The following MAP3K20 variants were observed in gnomAD, a reference collection of about 807,000 sequenced individuals.
MAP3K20 encodes the protein mitogen-activated protein kinase kinase kinase 20.
MAP3K20 carries 40 observed loss-of-function variants against 85.7 expected under a neutral mutation model. That is an observed-to-expected ratio of 0.47 (90% CI 0.36 to 0.61). The LOEUF (loss-of-function observed/expected upper bound fraction) is 0.61, where lower values mean the gene tolerates loss of function less well. MAP3K20 is among the 20% of genes least tolerant of loss of function. MAP3K20 has a pLI of 0.00. For missense variants in MAP3K20, 817 were observed against 961.7 expected, an observed-to-expected ratio of 0.85 and a Z score of 1.99; for synonymous variants, 325 against 327.7, an observed-to-expected ratio of 0.99 and a Z score of 0.09.
intron 2 of MAP3K20, among the ~76,000 whole-genome samples, chr2:173,124,094 G>A (rs549152973): frequency 6.6e-6 from 1 of 152,240 alleles, no homozygotes; most frequent in Admixed American, 6.5e-5. Flanking sequence ...TTATGCCATG[G>A]ATTACCAGCA....
At chr2:173,219,392 T>C (rs998016541) in intron 11 of MAP3K20, among the ~76,000 whole-genome samples, 1 of 152,228 alleles carries the variant, frequency 6.6e-6, no homozygotes, top group African/African-American at 2.4e-5. Flanking sequence ...TGGATGTTTA[T>C]TTTCTAATTA....
At chr2:173,100,541 C>G (rs759682649) in intron 2 of MAP3K20, among the ~76,000 whole-genome samples, 25 of 152,120 alleles carry the variant, frequency 1.6e-4, no homozygotes, top group Non-Finnish European at 3.4e-4. Context: ...ATTGACATAC[C>G]TACATTTTCT....
At chr2:173,240,958 G>C (rs1247307121) in intron 16 of MAP3K20, among the ~76,000 whole-genome samples, 5 of 152,150 alleles carry the variant, frequency 3.3e-5, no homozygotes, top group Non-Finnish European at 5.9e-5. Context: ...CTTGTCATTT[G>C]CAACAATATG....
chr2:173,143,277 T>C (rs1203160894), intron 2 of MAP3K20, among the ~76,000 whole-genome samples: 1 of 152,150 alleles, frequency 6.6e-6, no homozygotes, highest in African/African-American at 2.4e-5. Flanking sequence ...AAAAAGTCAG[T>C]TTCTTAAAAG....
At chr2:173,169,683 G>A in intron 2 of MAP3K20, 122 bp from the exon 3 acceptor site, 1 of 899,888 alleles carries the variant, frequency 1.1e-6, no homozygotes, top group Non-Finnish European at 1.7e-6. Context: ...TCACACCACT[G>A]TACTCTAGCC....
intron 3 of MAP3K20, among the ~76,000 whole-genome samples, chr2:173,171,252 C>T (rs978452979): frequency 6.6e-5 from 10 of 151,968 alleles, no homozygotes; most frequent in Non-Finnish European, 1.3e-4. Context: ...TCCTTTTTTC[C>T]GTGTCCATTG....
intron 19 of MAP3K20, among the ~76,000 whole-genome samples, chr2:173,264,939 C>T (rs1481547251): frequency 6.6e-6 from 1 of 152,124 alleles, no homozygotes; most frequent in African/African-American, 2.4e-5. Context: ...TTACAGAGAT[C>T]CGCGCAACAA....
intron 2 of MAP3K20, among the ~76,000 whole-genome samples, chr2:173,145,337 A>G (rs988598970): frequency 6.6e-6 from 1 of 152,194 alleles, no homozygotes; most frequent in Non-Finnish European, 1.5e-5. Flanking sequence ...ACAAAGATGC[A>G]ATCTACTGAC....
At chr2:173,157,072 G>C (rs1344363096) in intron 2 of MAP3K20, among the ~76,000 whole-genome samples, 9 of 152,202 alleles carry the variant, frequency 5.9e-5, no homozygotes, top group African/African-American at 2.2e-4. Context: ...TGACTCCTTT[G>C]TTAGCGAAAG....
intron 2 of MAP3K20, among the ~76,000 whole-genome samples, chr2:173,120,928 C>T (rs1288393190): frequency 2.0e-5 from 3 of 151,684 alleles, no homozygotes; most frequent in Non-Finnish European, 4.4e-5. Flanking sequence ...AGGATGGTCT[C>T]GATCTCCTGA....
At chr2:173,147,939 C>T (rs1169377347) in intron 2 of MAP3K20, among the ~76,000 whole-genome samples, 3 of 151,966 alleles carry the variant, frequency 2.0e-5, no homozygotes, top group Non-Finnish European at 4.4e-5. Flanking sequence ...TGTAACTGGC[C>T]CCAAAAAGGA....
At chr2:173,194,857 C>A (rs2106279875) in intron 7 of MAP3K20, among the ~76,000 whole-genome samples, 1 of 152,160 alleles carries the variant, frequency 6.6e-6, no homozygotes, top group East Asian at 1.9e-4. Flanking sequence ...TTAGCCCCTA[C>A]TACTCCCAAA....
chr2:173,265,979 A>G lies in MAP3K20; in HGVS notation c.1703-71A>G, dbSNP rs866264779. 2.7e-6 allele frequency: 4 copies of G among 1,459,078 alleles called. No homozygotes were observed. The South Asian group carries it at 5.4e-5, about 20-fold the overall frequency. The allele number at this position is 1,459,078 out of a possible 1,614,324, so 90.4% of individuals were successfully genotyped here. On this transcript the variant is annotated intron_variant, in intron 19 of 19. Transcript: ENST00000375213. ...TCCCAAACAGCCCTGAATTATCCTA[A>G]GACAGGCGTATGAATTAGACATGCA...
intron 2 of MAP3K20, among the ~76,000 whole-genome samples, chr2:173,132,559 G>T (rs1688648349): frequency 6.6e-6 from 1 of 152,166 alleles, no homozygotes; most frequent in Non-Finnish European, 1.5e-5. Flanking sequence ...CCTCCACCCA[G>T]GAGAGTTAAA....
At chr2:173,181,439 A>T (rs945877021) in intron 3 of MAP3K20, among the ~76,000 whole-genome samples, 2 of 152,164 alleles carry the variant, frequency 1.3e-5, no homozygotes, top group African/African-American at 4.8e-5. Context: ...TGCTGGCAGG[A>T]ATATAAAATG....
At chr2:173,089,687 A>T (rs1314436385) in intron 1 of MAP3K20, among the ~76,000 whole-genome samples, 1 of 152,008 alleles carries the variant, frequency 6.6e-6, no homozygotes, top group Admixed American at 6.6e-5. Flanking sequence ...GGTTCAGGGA[A>T]TTCTCATGTC....
At chr2:173,163,902 C>G (rs1689736910) in intron 2 of MAP3K20, among the ~76,000 whole-genome samples, 1 of 152,106 alleles carries the variant, frequency 6.6e-6, no homozygotes, top group Non-Finnish European at 1.5e-5. Context: ...TACATTCCCA[C>G]CAGCAGTGTA....
At chr2:173,193,648 A>G (rs1296569320) in intron 7 of MAP3K20, among the ~76,000 whole-genome samples, 1 of 152,152 alleles carries the variant, frequency 6.6e-6, no homozygotes, top group Non-Finnish European at 1.5e-5. Flanking sequence ...GTATCATTTT[A>G]AAATCTCTTC....
chr2:173,111,835 T>A (rs1687983705), intron 2 of MAP3K20, among the ~76,000 whole-genome samples: 1 of 152,214 alleles, frequency 6.6e-6, no homozygotes, highest in South Asian at 2.1e-4. Context: ...GGCTTTATTG[T>A]ATAGTTTGAA....
Sources: gnomAD v4.1 joint callset for allele counts (sites outside exome capture counted in the v4.1 genomes callset) on GRCh38, gnomAD v4.1.1 for gene constraint, MANE v1.5 for transcripts, NCBI Gene and HGNC (gene_info 2026-07-23, HGNC 2026-07-21) for gene names.